Variants in EDIL3 observed in about 807,000 individuals in gnomAD.
EDIL3 encodes the protein EGF-like repeat and discoidin I-like domain-containing protein 3.
EDIL3 carries 37 observed loss-of-function variants against 67.4 expected under a neutral mutation model. That is an observed-to-expected ratio of 0.55 (90% CI 0.42 to 0.72). The LOEUF (loss-of-function observed/expected upper bound fraction) is 0.72, where lower values mean the gene tolerates loss of function less well. Ranked by LOEUF, EDIL3 falls within the 30% of genes least tolerant of loss-of-function variation. The probability of loss-of-function intolerance (pLI) is 0.00; values close to 1 mark genes in which losing one functional copy is unlikely to be tolerated. For synonymous variants in EDIL3, 195 were observed against 196.3 expected (o/e 0.99, Z 0.05); for missense variants, 527 against 586.3 (o/e 0.90, Z 1.04).
chr5:84,280,542 C>T (rs116531148), intron 1 of EDIL3, among the ~76,000 whole-genome samples: 130 of 152,222 alleles, frequency 8.5e-4, no homozygotes, highest in Non-Finnish European at 1.6e-3. Context: ...CCACGACTGT[C>T]GGCACTGCAC....
intron 2 of EDIL3, among the ~76,000 whole-genome samples, chr5:84,249,494 T>C (rs1302602989): frequency 7.9e-6 from 1 of 125,820 alleles, no homozygotes; most frequent in Non-Finnish European, 1.8e-5. Context: ...TGTCTGTCTA[T>C]CTATTTGTCT....
At chr5:84,292,845 T>C (rs1745950192) in intron 1 of EDIL3, among the ~76,000 whole-genome samples, 1 of 152,130 alleles carries the variant, frequency 6.6e-6, no homozygotes. Context: ...AATAACAGCC[T>C]TGCAAGATCG....
intron 1 of EDIL3, among the ~76,000 whole-genome samples, chr5:84,276,902 A>T (rs1042318137): frequency 6.6e-6 from 1 of 152,110 alleles, no homozygotes; most frequent in African/African-American, 2.4e-5. Flanking sequence ...CTTTATGTTC[A>T]TGTCAAGTAT....
In EDIL3 at chr5:84,206,588, A is replaced by C. The variant is rs575159287; in HGVS notation, c.226+23267T>G. On this transcript the variant is annotated intron_variant, in intron 3 of 10. Coordinates refer to ENST00000296591, the MANE Select transcript of EDIL3 (RefSeq NM_005711.5). ...TGATACCAAAGCCAGGCAGAGACAC[A>C]AACAAAAAAGAGAATTTTAGACCAA... Among the ~76,000 whole-genome samples the C allele has an allele frequency of 9.4e-4, 143 of 152,284 alleles. 1 individual carries two copies. In the South Asian group the frequency reaches 0.019, roughly 21 times the overall value.
intron 5 of EDIL3, among the ~76,000 whole-genome samples, chr5:84,123,265 T>C (rs1033648466): frequency 2.0e-5 from 3 of 151,948 alleles, no homozygotes; most frequent in East Asian, 1.9e-4. Flanking sequence ...TAAAAGTTTA[T>C]GTATAAATTT....
intron 6 of EDIL3, among the ~76,000 whole-genome samples, chr5:84,095,639 G>A (rs1747248193): frequency 6.6e-6 from 1 of 152,190 alleles, no homozygotes; most frequent in Non-Finnish European, 1.5e-5. Context: ...TTCAAGAGCT[G>A]TATTGGGTGC....
At chr5:84,237,812 A>G (rs1342790374) in intron 2 of EDIL3, among the ~76,000 whole-genome samples, 1 of 152,138 alleles carries the variant, frequency 6.6e-6, no homozygotes, top group Non-Finnish European at 1.5e-5. Flanking sequence ...ATTGGATGAT[A>G]TTATATTTCT....
At chr5:84,043,309 A>C (rs1186227577) in intron 9 of EDIL3, among the ~76,000 whole-genome samples, 1 of 152,204 alleles carries the variant, frequency 6.6e-6, no homozygotes, top group Admixed American at 6.5e-5. Context: ...TATCTGGGTT[A>C]ACTTTAGCTT....
At chr5:84,090,507 T>TC (rs1321822758) in intron 6 of EDIL3, among the ~76,000 whole-genome samples, 1 of 152,262 alleles carries the variant, frequency 6.6e-6, no homozygotes, top group East Asian at 1.9e-4. Flanking sequence ...CGTTATGTGT[T>TC]CCCCTGGGTT....
chr5:84,291,828 C>CAT lies in EDIL3; in HGVS notation c.68-37617_68-37616insAT, dbSNP rs200789310. Among the ~76,000 whole-genome samples, 1,440 of 147,940 alleles carry CAT rather than the reference C, an allele frequency of 9.7e-3. 19 individuals carry two copies. The highest frequency in any genetic ancestry group is 0.033 in the African/African-American group (1,319 of 40,106). On this transcript the variant is annotated intron_variant, in intron 1 of 10. Coordinates refer to ENST00000296591, the MANE Select transcript of EDIL3 (RefSeq NM_005711.5). The stretch of plus-strand genomic sequence containing the variant: ...ATATACACACACATATATATACACA[C>CAT]ACATATATATATATATACCTACAGG...
intron 9 of EDIL3, among the ~76,000 whole-genome samples, chr5:83,971,647 A>G (rs1420728732): frequency 6.6e-6 from 1 of 151,842 alleles, no homozygotes; most frequent in Non-Finnish European, 1.5e-5. Context: ...TGTTCTGCAC[A>G]TTTAAAAAAT....
chr5:84,336,881 A>G (rs535513346), intron 1 of EDIL3, among the ~76,000 whole-genome samples: 79 of 152,114 alleles, frequency 5.2e-4, no homozygotes, highest in Non-Finnish European at 1.0e-3. Context: ...ACAAATTTTT[A>G]AAAAAGGAAA....
chr5:84,373,159 C>G (rs939969443), intron 1 of EDIL3, among the ~76,000 whole-genome samples: 4 of 152,066 alleles, frequency 2.6e-5, no homozygotes, highest in Non-Finnish European at 4.4e-5. Flanking sequence ...ATAAGTACTC[C>G]TGATCTCTGA....
At chr5:84,089,162 C>A (rs1747122059) in intron 6 of EDIL3, among the ~76,000 whole-genome samples, 1 of 152,218 alleles carries the variant, frequency 6.6e-6, no homozygotes, top group Non-Finnish European at 1.5e-5. Context: ...TCCCACTCCA[C>A]TAGATGGGGC....
intron 1 of EDIL3, among the ~76,000 whole-genome samples, chr5:84,304,533 T>G (rs1746225905): frequency 6.6e-6 from 1 of 152,196 alleles, no homozygotes; most frequent in Non-Finnish European, 1.5e-5. Flanking sequence ...GACACAAGAA[T>G]TCTAGAGAAA....
At chr5:84,254,273 C>G in intron 1 of EDIL3, 61 bp from the exon 2 acceptor site, 1 of 1,536,310 alleles carries the variant, frequency 6.5e-7, no homozygotes, top group East Asian at 2.3e-5. Context: ...TTGAAACATA[C>G]TAGTTTACTT....
chr5:84,353,221 GC>G (rs1489097567), intron 1 of EDIL3, among the ~76,000 whole-genome samples: 2 of 152,130 alleles, frequency 1.3e-5, no homozygotes, highest in African/African-American at 4.8e-5. Context: ...AATGTGAATA[GC>G]TGCTGTGCCC....
chr5:83,979,372 AAAATGT>A (rs1272562719), intron 9 of EDIL3, among the ~76,000 whole-genome samples: 1 of 152,152 alleles, frequency 6.6e-6, no homozygotes, highest in Non-Finnish European at 1.5e-5. Flanking sequence ...AGTGACATTG[AAAATGT>A]ACACAGCCAT....
At chr5:84,313,596 T>C (rs997767502) in intron 1 of EDIL3, among the ~76,000 whole-genome samples, 7 of 152,220 alleles carry the variant, frequency 4.6e-5, no homozygotes, top group African/African-American at 1.4e-4. Flanking sequence ...TAGAAGACTA[T>C]TGCGAGCATT....
Sources: gnomAD v4.1 joint callset for allele counts (sites outside exome capture counted in the v4.1 genomes callset) on GRCh38, gnomAD v4.1.1 for gene constraint, MANE v1.5 for transcripts, NCBI Gene and HGNC (gene_info 2026-07-23, HGNC 2026-07-21) for gene names.